The following PCCA variants were observed in gnomAD, a reference collection of about 807,000 sequenced individuals.
The protein encoded by PCCA is propionyl-CoA carboxylase alpha chain, mitochondrial.
PCCA carries 74 observed loss-of-function variants against 101.3 expected under a neutral mutation model. The observed-to-expected ratio is 0.73, with a 90% CI of 0.61 to 0.89. The LOEUF is 0.89. PCCA is among the 40% of genes least tolerant of loss of function. The pLI is 0.00. For missense variants in PCCA, 891 were observed against 907.0 expected (o/e 0.98, Z 0.23); for synonymous variants, 294 against 313.6 (o/e 0.94, Z 0.66).
chr13:100,419,444 C>T (rs1431564310), intron 19 of PCCA, among the ~76,000 whole-genome samples: 2 of 150,816 alleles, frequency 1.3e-5, no homozygotes, highest in Non-Finnish European at 2.9e-5. Context: ...TGTACTCTAG[C>T]CTGGGCAACA....
intron 21 of PCCA, among the ~76,000 whole-genome samples, chr13:100,509,060 T>G (rs1184914341): frequency 1.3e-5 from 2 of 152,206 alleles, no homozygotes; most frequent in Non-Finnish European, 2.9e-5. Flanking sequence ...CTCCCAAGTT[T>G]CAGTCCTGGT....
intron 19 of PCCA, among the ~76,000 whole-genome samples, chr13:100,370,074 CTTTTTTTT>C (rs386380451): frequency 9.4e-5 from 7 of 74,670 alleles, no homozygotes; most frequent in South Asian, 1.2e-3. Flanking sequence ...GCTGTTACTT[CTTTTTTTT>C]TTTTTTTTTT....
chr13:100,523,765 G>A (rs543008826), intron 22 of PCCA, among the ~76,000 whole-genome samples: 3 of 152,320 alleles, frequency 2.0e-5, no homozygotes, highest in South Asian at 4.1e-4. Context: ...GGAGCGGGGA[G>A]ATACATCAGG....
chr13:100,232,351 C>CATGTGCGTGT lies in PCCA; in HGVS notation c.601-3491_601-3490insATGTGCGTGT, dbSNP rs1555387985. 3.8e-5 allele frequency among the ~76,000 whole-genome samples: 5 copies of CATGTGCGTGT among 131,180 alleles called. No homozygotes were observed. In the Admixed American group the frequency reaches 3.9e-4, roughly 10 times the overall value. 86.1% of individuals were successfully genotyped at this position (131,180 alleles called of 152,430 possible). A position where few individuals can be genotyped will look rare whatever the true frequency, so the allele number is the denominator to read the frequency against. ...TTATGTTTATGTGTGTGTGTGTATG[C>CATGTGCGTGT]GTGTGTGTGTGTGTGTGTGTGTGTG... On this transcript the variant is annotated intron_variant, in intron 7 of 23. Coordinates refer to ENST00000376285, the MANE Select transcript of PCCA (RefSeq NM_000282.4).
intron 19 of PCCA, among the ~76,000 whole-genome samples, chr13:100,401,729 A>G (rs536087651): frequency 3.4e-4 from 52 of 152,258 alleles, no homozygotes; most frequent in African/African-American, 1.1e-3. Context: ...AAACCAATAT[A>G]TATTAGACAT....
chr13:100,266,889 G>A (rs1477319760), intron 10 of PCCA, among the ~76,000 whole-genome samples: 1 of 152,098 alleles, frequency 6.6e-6, no homozygotes, highest in Non-Finnish European at 1.5e-5. Context: ...TCTACATTCA[G>A]TACGTGTAAA....
At chr13:100,466,790 G>A (rs772452824) in intron 21 of PCCA, among the ~76,000 whole-genome samples, 9 of 152,104 alleles carry the variant, frequency 5.9e-5, no homozygotes, top group Non-Finnish European at 1.3e-4. Flanking sequence ...CCCAGGAGGC[G>A]GGGGTTGCAG....
chr13:100,505,936 A>G (rs1209868397), intron 21 of PCCA, among the ~76,000 whole-genome samples: 1 of 151,936 alleles, frequency 6.6e-6, no homozygotes, highest in Non-Finnish European at 1.5e-5. Context: ...ACAGGAAATA[A>G]TACCTGGTGA....
chr13:100,299,304 A>C (rs925676177), intron 12 of PCCA, among the ~76,000 whole-genome samples: 2 of 152,224 alleles, frequency 1.3e-5, no homozygotes, highest in Non-Finnish European at 2.9e-5. Context: ...TACACAGTTA[A>C]AGATCCCTCT....
In PCCA at chr13:100,305,637, T is replaced by C. The variant is rs529240042; in HGVS notation, c.1285-1555T>C. The C allele has an allele frequency of 5.9e-5, 13 of 220,110 alleles. No individual in the cohort carries two copies. In the Admixed American group the frequency reaches 6.1e-4, roughly 10 times the overall value. 13.6% of individuals were successfully genotyped at this position (220,110 alleles called of 1,614,324 possible). A position where few individuals can be genotyped will look rare whatever the true frequency, so the allele number is the denominator to read the frequency against. ...TTAAGAAAATGAAAACTCACAGATA[T>C]ATTTTCTGTTATGTAACCCGTTTAC... On this transcript the variant is annotated intron_variant, in intron 14 of 23. Transcript: ENST00000376285.
At chr13:100,442,614 C>G (rs1446620937) in intron 20 of PCCA, among the ~76,000 whole-genome samples, 1 of 152,168 alleles carries the variant, frequency 6.6e-6, no homozygotes, top group Non-Finnish European at 1.5e-5. Context: ...AGGCAGTGTT[C>G]TAGACTCTGC....
intron 15 of PCCA, among the ~76,000 whole-genome samples, chr13:100,307,845 G>A (rs962847810): frequency 6.6e-6 from 1 of 152,098 alleles, no homozygotes; most frequent in African/African-American, 2.4e-5. Flanking sequence ...TTAAGATTGT[G>A]GATTTTATTT....
intron 21 of PCCA, among the ~76,000 whole-genome samples, chr13:100,498,331 T>G (rs1405733530): frequency 6.6e-6 from 1 of 151,794 alleles, no homozygotes. Context: ...TGCTCTCTCA[T>G]GGAGGTTAGT....
chr13:100,445,240 A>G (rs1325520534), intron 20 of PCCA, among the ~76,000 whole-genome samples: 1 of 151,960 alleles, frequency 6.6e-6, no homozygotes, highest in Admixed American at 6.6e-5. Flanking sequence ...TGATCCACAC[A>G]CCCCCATTAT....
At chr13:100,469,494 T>C (rs2082814834) in intron 21 of PCCA, among the ~76,000 whole-genome samples, 1 of 151,992 alleles carries the variant, frequency 6.6e-6, no homozygotes, top group Non-Finnish European at 1.5e-5. Context: ...GGATTGATGG[T>C]GTGGCCGGGC....
At chr13:100,151,381 C>T (rs1052312177) in intron 4 of PCCA, among the ~76,000 whole-genome samples, 3 of 152,074 alleles carry the variant, frequency 2.0e-5, no homozygotes, top group African/African-American at 7.2e-5. Flanking sequence ...CACCTGAGGT[C>T]GGGAGTTCGA....
intron 19 of PCCA, among the ~76,000 whole-genome samples, chr13:100,407,560 A>T (rs932361333): frequency 1.3e-5 from 2 of 152,346 alleles, no homozygotes; most frequent in African/African-American, 4.8e-5. Flanking sequence ...TTTTATTTCA[A>T]TGCTCAATCT....
intron 6 of PCCA, among the ~76,000 whole-genome samples, chr13:100,181,423 T>C (rs1365197059): frequency 1.3e-5 from 2 of 152,184 alleles, no homozygotes; most frequent in Non-Finnish European, 2.9e-5. Flanking sequence ...CTTTCTTTCT[T>C]TCTTCTTTGG....
intron 12 of PCCA, among the ~76,000 whole-genome samples, chr13:100,301,125 G>C (rs146097552): frequency 6.6e-6 from 1 of 152,326 alleles, no homozygotes; most frequent in East Asian, 1.9e-4. Flanking sequence ...CGGCCACATT[G>C]AAGATTGCCG....
Sources: allele counts gnomAD v4.1 joint callset (sites outside exome capture counted in the v4.1 genomes callset), GRCh38; gene constraint gnomAD v4.1.1; transcripts MANE v1.5; gene names NCBI Gene and HGNC (gene_info 2026-07-23, HGNC 2026-07-21).